The following RAB43 variants were observed in gnomAD, a reference collection of about 807,000 sequenced individuals.
RAB43 encodes ras-related protein Rab-43.
RAB43 carries 6 observed loss-of-function variants against 18.8 expected under a neutral mutation model. That is an observed-to-expected ratio of 0.32 (90% confidence interval 0.17 to 0.63). The LOEUF (loss-of-function observed/expected upper bound fraction) is 0.63, where lower values mean the gene tolerates loss of function less well. Among genes scored for constraint, RAB43 ranks in the 30% least tolerant of loss-of-function variants. The pLI is 0.79. For synonymous variants in RAB43, 103 were observed against 124.1 expected, an observed-to-expected ratio of 0.83 and a Z score of 1.13; for missense variants, 195 against 289.1, an observed-to-expected ratio of 0.67 and a Z score of 2.36.
At chr3:129,091,389 G>A (rs914662785) in intron 2 of RAB43, 43 bp from the exon 3 acceptor site, 4 of 1,578,726 alleles carry the variant, frequency 2.5e-6, no homozygotes, top group Middle Eastern at 1.7e-4. Flanking sequence ...TGGGGGCTGG[G>A]CAAGCCCAGT....
chr3:129,115,995 C>T (rs1337562929), intron 1 of RAB43, among the ~76,000 whole-genome samples: 1 of 152,104 alleles, frequency 6.6e-6, no homozygotes, highest in Non-Finnish European at 1.5e-5. Flanking sequence ...TTCAAAGAAT[C>T]CTTATTTTAC....
chr3:129,097,119 AAAAAGAAAAG>A (rs533057974), intron 1 of RAB43, among the ~76,000 whole-genome samples: 5 of 152,204 alleles, frequency 3.3e-5, no homozygotes, highest in African/African-American at 7.2e-5. Flanking sequence ...TGTCTCAAAA[AAAAAGAAAAG>A]AAAAGAAAAG....
At position 129,095,068 on chromosome 3, in the gene RAB43, C is replaced by T. The variant is rs1933947442; in HGVS notation, c.306G>A (p.Lys102=). 1 of 1,614,102 alleles carries T rather than the reference C, an allele frequency of 6.2e-7. No homozygotes were observed. Among genetic ancestry groups the T allele is most frequent in the African/African-American group, 1.3e-5 (1 of 75,058 alleles). The part of the protein sequence containing the change: ...NGAILAYDIT[K]RSSFLSVPHW... ...GAGGCACCGACAGGAAGGAGCTCCTCTTGGTGATGTCGTAGGCAAGGATGG... is the reference window on the plus strand; with the variant it reads ...GAGGCACCGACAGGAAGGAGCTCCTTTTGGTGATGTCGTAGGCAAGGATGG... Residue 102 remains lysine, a synonymous_variant, in exon 2 of 3, where the codon AAG becomes AAA. Coordinates refer to ENST00000315150, the MANE Select transcript of RAB43 (RefSeq NM_198490.3). The surrounding 1 kb of genome is among the most constrained non-coding windows in gnomAD (Gnocchi z 4.2).
At chr3:129,103,747 T>C (rs1934578868) in intron 1 of RAB43, among the ~76,000 whole-genome samples, 2 of 152,138 alleles carry the variant, frequency 1.3e-5, no homozygotes, top group Non-Finnish European at 2.9e-5. Flanking sequence ...TTATTTTTAG[T>C]AGAGACAGGG....
At chr3:129,101,408 G>A (rs1477047998) in intron 1 of RAB43, among the ~76,000 whole-genome samples, 1 of 152,204 alleles carries the variant, frequency 6.6e-6, no homozygotes. Context: ...GGATATAGCA[G>A]GGAACGGAGC....
chr3:129,091,605 AG>A (rs1933662705), intron 2 of RAB43, among the ~76,000 whole-genome samples: 1 of 151,680 alleles, frequency 6.6e-6, no homozygotes, highest in African/African-American at 2.4e-5. Flanking sequence ...TGGGCAACAC[AG>A]TGAGACCCCG....
intron 1 of RAB43, among the ~76,000 whole-genome samples, chr3:129,105,625 C>CA (rs1393075598): frequency 2.0e-5 from 3 of 151,732 alleles, no homozygotes; most frequent in Admixed American, 6.6e-5. Flanking sequence ...ACTAAAAATA[C>CA]AAAAATTAGC....
intron 1 of RAB43, among the ~76,000 whole-genome samples, chr3:129,117,069 T>C (rs1244152014): frequency 6.6e-6 from 1 of 152,074 alleles, no homozygotes; most frequent in Non-Finnish European, 1.5e-5. Flanking sequence ...AAATAAGAAA[T>C]GAGTAACACT....
intron 1 of RAB43, among the ~76,000 whole-genome samples, chr3:129,102,630 C>CAA (rs745477635): frequency 1.2e-4 from 8 of 68,170 alleles, no homozygotes; most frequent in South Asian, 8.0e-4. Context: ...GACTCCATCT[C>CAA]AAAAAAAAAA....
chr3:129,121,364 G>A lies in RAB43; in HGVS notation c.126C>T (p.Ala42=). 1.2e-6 allele frequency: 2 copies of A among 1,611,472 alleles called. No individual in the cohort carries two copies. The highest frequency in any genetic ancestry group is 1.7e-6 in the Non-Finnish European group (2 of 1,178,950). ...TCVVQRFKTG[A]FSERQGSTIG... ...TGGTGCTTCCCTGGCGCTCCGAGAAGGCGCCGGTCTTGAAGCGCTGCACCA... is the reference window on the plus strand; with the variant it reads ...TGGTGCTTCCCTGGCGCTCCGAGAAAGCGCCGGTCTTGAAGCGCTGCACCA... The change falls in exon 1 of 3, where the codon GCC becomes GCT. Residue 42 remains alanine (A), a synonymous_variant. Transcript: ENST00000315150.
chr3:129,102,209 CTCTA>C (rs1413420872), intron 1 of RAB43, among the ~76,000 whole-genome samples: 3 of 152,248 alleles, frequency 2.0e-5, no homozygotes, highest in African/African-American at 7.2e-5. Flanking sequence ...AAAGATGCAG[CTCTA>C]TCTAAGCCTT....
intron 1 of RAB43, among the ~76,000 whole-genome samples, chr3:129,110,302 G>C (rs1034631852): frequency 1.3e-5 from 2 of 152,196 alleles, no homozygotes; most frequent in Admixed American, 1.3e-4. Context: ...CAAGCCAAGA[G>C]GTAGCTGGAT....
intron 1 of RAB43, among the ~76,000 whole-genome samples, chr3:129,099,666 G>A (rs558476712): frequency 1.3e-5 from 2 of 152,322 alleles, no homozygotes; most frequent in African/African-American, 2.4e-5. Flanking sequence ...GATTACAGGC[G>A]TGAGCCACTG....
In RAB43 at chr3:129,121,602, G is replaced by C. The variant is rs1329800047; in HGVS notation, c.-113C>G. On this transcript the variant is annotated 5_prime_UTR_variant, in exon 1 of 3. Coordinates refer to ENST00000315150, the MANE Select transcript of RAB43 (RefSeq NM_198490.3). ...AGCCCACGGGCCGCCTGGCTACGTG[G>C]AGCCGCCGCAACACCTGAACCCCCA... 2.3e-6 allele frequency: 2 copies of C among 865,510 alleles called. No homozygotes were observed. Among genetic ancestry groups the C allele is most frequent in the African/African-American group, 1.8e-5 (1 of 55,444 alleles). 53.6% of individuals were successfully genotyped at this position (865,510 alleles called of 1,614,324 possible).
chr3:129,095,714 C>T lies in RAB43; in HGVS notation c.205-545G>A, dbSNP rs890429009. Among the ~76,000 whole-genome samples the T allele has an allele frequency of 6.6e-6, 1 of 152,192 alleles. No homozygotes were observed. Among genetic ancestry groups the T allele is most frequent in the Admixed American group, 6.5e-5 (1 of 15,284 alleles). On this transcript the variant is annotated intron_variant, in intron 1 of 2. Coordinates refer to ENST00000315150, the MANE Select transcript of RAB43 (RefSeq NM_198490.3). This position sits in a 1 kb window ranked among gnomAD's most constrained non-coding sequence, Gnocchi z 4.2. Reference sequence around the variant, plus strand: ...AATGGGCAGAGTCCTCCCATGGGGCCTTTAAGTACAAGGCAGTTTCCACCA... The same window carrying T: ...AATGGGCAGAGTCCTCCCATGGGGCTTTTAAGTACAAGGCAGTTTCCACCA...
rs140268101 is a variant in RAB43, at chr3:129,114,280, C to T, written c.204+7006G>A. ...GTAAAATGCAAGCAATACAAGATGGCCTAGATTTTAAATCAGTCCCAACTT... is the reference window on the plus strand; with the variant it reads ...GTAAAATGCAAGCAATACAAGATGGTCTAGATTTTAAATCAGTCCCAACTT... On this transcript the variant is annotated intron_variant, in intron 1 of 2. Coordinates refer to ENST00000315150, the MANE Select transcript of RAB43 (RefSeq NM_198490.3). 4.6e-5 allele frequency among the ~76,000 whole-genome samples: 7 copies of T among 152,214 alleles called. No individual in the cohort carries two copies. The East Asian group carries it at 1.3e-3, about 29-fold the overall frequency.
chr3:129,092,378 G>A, intron 2 of RAB43: 1 of 493,828 alleles, frequency 2.0e-6, no homozygotes, highest in South Asian at 3.2e-5. Flanking sequence ...TAATCCGAGG[G>A]AGGGGAGGTG....
chr3:129,105,085 A>G (rs1222875725), intron 1 of RAB43, among the ~76,000 whole-genome samples: 1 of 152,236 alleles, frequency 6.6e-6, no homozygotes, highest in Non-Finnish European at 1.5e-5. Flanking sequence ...AAAGGCAGTA[A>G]GGAGACAGGA....
At chr3:129,102,346 C>T (rs1319801317) in intron 1 of RAB43, among the ~76,000 whole-genome samples, 2 of 152,158 alleles carry the variant, frequency 1.3e-5, no homozygotes, top group African/African-American at 4.8e-5. Flanking sequence ...TTTAAAATAT[C>T]ACAGCCAGGC....
Sources: gnomAD v4.1 joint callset for allele counts (sites outside exome capture counted in the v4.1 genomes callset) on GRCh38, gnomAD v4.1.1 for gene constraint, Gnocchi (gnomAD v3.1) non-coding constraint, MANE v1.5 for transcripts, NCBI Gene and HGNC (gene_info 2026-07-23, HGNC 2026-07-21) for gene names.